Variants in BANK1 observed in about 807,000 individuals in gnomAD.
BANK1 encodes B-cell scaffold protein with ankyrin repeats.
A neutral mutation model predicts 94.5 loss-of-function variants in BANK1; 95 were observed. The observed-to-expected ratio is 1.00, with a 90% CI of 0.85 to 1.19. The LOEUF is 1.19. BANK1 is among the 50% of genes most tolerant of loss of function. BANK1 has a pLI of 0.00. For missense variants in BANK1, 987 were observed against 932.2 expected, an observed-to-expected ratio of 1.06 and a Z score of -0.77; for synonymous variants, 334 against 308.4, an observed-to-expected ratio of 1.08 and a Z score of -0.87.
intron 2 of BANK1, among the ~76,000 whole-genome samples, chr4:101,839,973 T>A (rs76314689): frequency 0.034 from 1,948 of 57,016 alleles, 241 homozygotes; most frequent in African/African-American, 0.11. Context: ...TTTTTTTTTT[T>A]TTTTTTTTTT....
chr4:101,853,526 C>A (rs528332843), intron 2 of BANK1, among the ~76,000 whole-genome samples: 1 of 152,080 alleles, frequency 6.6e-6, no homozygotes, highest in South Asian at 2.1e-4. Context: ...TCAGGGAGAA[C>A]CATGGGGTAT....
At chr4:102,053,773 T>G (rs1728132068) in intron 11 of BANK1, among the ~76,000 whole-genome samples, 1 of 151,870 alleles carries the variant, frequency 6.6e-6, no homozygotes, top group Admixed American at 6.5e-5. Context: ...AAATACGTAA[T>G]GTAACATAAT....
At chr4:101,811,577 T>C (rs1725731493) in intron 1 of BANK1, among the ~76,000 whole-genome samples, 1 of 151,996 alleles carries the variant, frequency 6.6e-6, no homozygotes. Context: ...GAAGCTCATA[T>C]TGTGTTTATG....
At chr4:101,937,533 C>A (rs149927608) in intron 7 of BANK1, among the ~76,000 whole-genome samples, 1,735 of 152,028 alleles carry the variant, frequency 0.011, 32 homozygotes, top group African/African-American at 0.04. Context: ...GTCAAAACCA[C>A]AATGAGATAC....
intron 7 of BANK1, among the ~76,000 whole-genome samples, chr4:101,936,709 C>T (rs1017768742): frequency 1.3e-5 from 2 of 151,604 alleles, no homozygotes; most frequent in South Asian, 2.1e-4. Flanking sequence ...TGAAAAGTTG[C>T]TCAATATCAT....
At chr4:101,792,540 T>C (rs1321632793) in intron 1 of BANK1, among the ~76,000 whole-genome samples, 1 of 151,402 alleles carries the variant, frequency 6.6e-6, no homozygotes, top group Non-Finnish European at 1.5e-5. Context: ...TGGGGGTCAA[T>C]TGGTCCAACT....
intron 2 of BANK1, among the ~76,000 whole-genome samples, chr4:101,836,920 C>T (rs912721187): frequency 3.3e-5 from 5 of 152,306 alleles, no homozygotes; most frequent in Middle Eastern, 3.4e-3. Flanking sequence ...TGGCTTAGAA[C>T]TGTATCTCCG....
In BANK1 at chr4:102,045,848, G is replaced by A. The variant is rs371644601; in HGVS notation, c.1969+1941G>A. The stretch of plus-strand genomic sequence containing the variant: ...CTCATGGGTAGGAAGAATCAATATC[G>A]TGAAAATGGCCGTACTGCCCAAGGT... On this transcript the variant is annotated intron_variant, in intron 11 of 16. Coordinates refer to ENST00000322953, the MANE Select transcript of BANK1 (RefSeq NM_017935.5). Among the ~76,000 whole-genome samples the A allele has an allele frequency of 2.6e-4, 39 of 152,058 alleles. No homozygotes were observed. The East Asian group carries it at 6.6e-3, about 26-fold the overall frequency.
intron 8 of BANK1, 24 bp from the exon 9 acceptor site, chr4:102,025,177 T>A (rs1727040255): frequency 6.2e-7 from 1 of 1,606,182 alleles, no homozygotes; most frequent in Admixed American, 1.7e-5. Flanking sequence ...TTAAATGAAA[T>A]CATGCAATCT....
At chr4:101,993,767 C>T (rs922559905) in intron 7 of BANK1, among the ~76,000 whole-genome samples, 2 of 152,194 alleles carry the variant, frequency 1.3e-5, no homozygotes, top group African/African-American at 4.8e-5. Flanking sequence ...AATTAAAAAG[C>T]TGGCACAACA....
At chr4:101,809,682 A>T (rs1302560400) in intron 1 of BANK1, among the ~76,000 whole-genome samples, 1 of 152,228 alleles carries the variant, frequency 6.6e-6, no homozygotes, top group Non-Finnish European at 1.5e-5. Context: ...GCTTTGACTC[A>T]TGGAGAAATC....
chr4:102,032,272 T>C (rs957512282), intron 10 of BANK1: 2 of 152,232 alleles, frequency 1.3e-5, no homozygotes, highest in Non-Finnish European at 2.9e-5. Context: ...CCATGTTGTG[T>C]TCGTCTACCG....
chr4:101,839,735 A>G (rs1726959794), intron 2 of BANK1, among the ~76,000 whole-genome samples: 1 of 151,930 alleles, frequency 6.6e-6, no homozygotes. Context: ...CACCATATAC[A>G]ATAATAATTT....
chr4:102,010,102 A>G (rs1276027627), intron 7 of BANK1, among the ~76,000 whole-genome samples: 1 of 75,294 alleles, frequency 1.3e-5, no homozygotes, highest in African/African-American at 3.1e-5. Context: ...CGTCTCTACT[A>G]AAAATACAAA....
intron 12 of BANK1, chr4:102,062,820 G>T (rs761355820): frequency 2.6e-6 from 1 of 379,054 alleles, no homozygotes; most frequent in East Asian, 4.7e-5. Flanking sequence ...TATGAATTGG[G>T]AAAGTTACTG....
At chr4:101,880,295 G>A (rs1211374870) in intron 5 of BANK1, among the ~76,000 whole-genome samples, 1 of 151,860 alleles carries the variant, frequency 6.6e-6, no homozygotes, top group Non-Finnish European at 1.5e-5. Context: ...TATGCCAACA[G>A]TGAACAATCT....
intron 13 of BANK1, 78 bp downstream of exon 13, chr4:102,063,216 C>T: frequency 7.7e-7 from 1 of 1,306,756 alleles, no homozygotes; most frequent in Non-Finnish European, 1.1e-6. Flanking sequence ...GATGATTGGG[C>T]CTGAGTTCAA....
intron 7 of BANK1, among the ~76,000 whole-genome samples, chr4:101,942,617 G>C (rs1017074483): frequency 6.6e-6 from 1 of 151,768 alleles, no homozygotes; most frequent in Non-Finnish European, 1.5e-5. Flanking sequence ...CTTTACAAAA[G>C]GAATCCTGAA....
At position 101,808,498 on chromosome 4, in the gene BANK1, A is replaced by G. The variant is rs139386931; in HGVS notation, c.70+17548A>G. On this transcript the variant is annotated intron_variant, in intron 1 of 16. Transcript: ENST00000322953. ...GTAAGCTAGAAAAATTGTGTCTTTA[A>G]TGATCACCATTAGGTTATTTAAAAA... Among the ~76,000 whole-genome samples the G allele has an allele frequency of 5.9e-5, 9 of 152,316 alleles. No homozygotes were observed. In the East Asian group the frequency reaches 1.3e-3, roughly 23 times the overall value.
Sources: allele counts gnomAD v4.1 joint callset (sites outside exome capture counted in the v4.1 genomes callset), GRCh38; gene constraint gnomAD v4.1.1; transcripts MANE v1.5; gene names NCBI Gene and HGNC (gene_info 2026-07-23, HGNC 2026-07-21).